GRIA2: variants seen among roughly 807,000 people sequenced by gnomAD.
GRIA2 encodes glutamate receptor 2.
GRIA2 carries 14 observed loss-of-function variants against 97.3 expected under a neutral mutation model. The observed-to-expected ratio is 0.14, with a 90% CI of 0.10 to 0.23. GRIA2 has a LOEUF of 0.23. GRIA2 is among the 10% of genes least tolerant of loss of function. The pLI is 1.00. For synonymous variants in GRIA2, 412 were observed against 387.8 expected (o/e 1.06, Z -0.73); for missense variants, 558 against 1,069.8 (o/e 0.52, Z 6.67).
At chr4:157,225,045 A>C (rs2126677463) in intron 2 of GRIA2, among the ~76,000 whole-genome samples, 1 of 152,218 alleles carries the variant, frequency 6.6e-6, no homozygotes, top group Admixed American at 6.5e-5. Context: ...TAGTTTACTA[A>C]TTTAATTTTA....
At chr4:157,305,248 CT>C (rs765888701) in intron 3 of GRIA2, among the ~76,000 whole-genome samples, 5 of 152,014 alleles carry the variant, frequency 3.3e-5, no homozygotes, top group Non-Finnish European at 5.9e-5. Flanking sequence ...CTCTTTCATC[CT>C]TGCATCCTAT....
intron 2 of GRIA2, among the ~76,000 whole-genome samples, chr4:157,259,629 G>A (rs1210425186): frequency 6.6e-6 from 1 of 152,014 alleles, no homozygotes; most frequent in Non-Finnish European, 1.5e-5. Context: ...TCTGTTTTCT[G>A]TTCTCTTTAC....
At chr4:157,236,760 A>T (rs914097740) in intron 2 of GRIA2, among the ~76,000 whole-genome samples, 1 of 152,010 alleles carries the variant, frequency 6.6e-6, no homozygotes, top group African/African-American at 2.4e-5. Flanking sequence ...GTAAGACGTT[A>T]TTTGTATTTC....
intron 2 of GRIA2, among the ~76,000 whole-genome samples, chr4:157,293,992 A>T (rs1399953592): frequency 2.6e-5 from 4 of 152,164 alleles, no homozygotes; most frequent in Non-Finnish European, 5.9e-5. Flanking sequence ...TATTGAAAAA[A>T]ATGTGTCCTT....
chr4:157,350,884 A>G (rs945846885), intron 12 of GRIA2, among the ~76,000 whole-genome samples: 1 of 149,278 alleles, frequency 6.7e-6, no homozygotes, highest in Non-Finnish European at 1.5e-5. Flanking sequence ...TTGAAGCTAC[A>G]TGCCAGATTT....
intron 2 of GRIA2, among the ~76,000 whole-genome samples, chr4:157,251,321 G>T (rs1488697336): frequency 6.6e-6 from 1 of 151,986 alleles, no homozygotes; most frequent in Non-Finnish European, 1.5e-5. Context: ...TTCTGACAGG[G>T]TGGCTTATTA....
At chr4:157,260,613 C>A (rs973649758) in intron 2 of GRIA2, among the ~76,000 whole-genome samples, 3 of 152,032 alleles carry the variant, frequency 2.0e-5, no homozygotes, top group African/African-American at 7.2e-5. Context: ...ATTTAGTAAC[C>A]TGGCCACATC....
At chr4:157,235,515 A>G (rs1306978042) in intron 2 of GRIA2, among the ~76,000 whole-genome samples, 1 of 152,072 alleles carries the variant, frequency 6.6e-6, no homozygotes, top group Non-Finnish European at 1.5e-5. Flanking sequence ...AAAAGCAGAA[A>G]TGGTAATTCA....
chr4:157,364,233 A>G lies in GRIA2; in HGVS notation c.*802A>G, dbSNP rs916298467. ...CTATTCTTTAACATTTGGTGTTAATATAAAATTACTTGGCAATGCTTGACA... is the reference window on the plus strand; with the variant it reads ...CTATTCTTTAACATTTGGTGTTAATGTAAAATTACTTGGCAATGCTTGACA... On this transcript the variant is annotated 3_prime_UTR_variant, in exon 16 of 16. Transcript: ENST00000264426. The G allele has an allele frequency of 1.3e-5, 2 of 152,482 alleles. No individual in the cohort carries two copies. Among genetic ancestry groups the G allele is most frequent in the Admixed American group, 6.6e-5 (1 of 15,226 alleles). The allele number at this position is 152,482 out of a possible 1,614,324, so 9.4% of individuals were successfully genotyped here. A position where few individuals can be genotyped will look rare whatever the true frequency, so the allele number is the denominator to read the frequency against.
At chr4:157,331,119 T>G (rs960663518) in intron 6 of GRIA2, among the ~76,000 whole-genome samples, 2 of 151,960 alleles carry the variant, frequency 1.3e-5, no homozygotes, top group African/African-American at 4.8e-5. Flanking sequence ...GTTTCTATGA[T>G]TGTGACTTTT....
intron 2 of GRIA2, among the ~76,000 whole-genome samples, chr4:157,251,514 A>C (rs1472363660): frequency 1.3e-5 from 2 of 152,148 alleles, no homozygotes; most frequent in East Asian, 3.9e-4. Context: ...ATTTTCACTG[A>C]GGTGTTATCT....
chr4:157,275,701 G>A (rs1360009449), intron 2 of GRIA2, among the ~76,000 whole-genome samples: 3 of 152,060 alleles, frequency 2.0e-5, no homozygotes, highest in African/African-American at 7.2e-5. Flanking sequence ...TTATTTCTGA[G>A]GGCTTTGTTC....
At chr4:157,317,598 A>G (rs959486299) in intron 4 of GRIA2, 60 bp from the exon 5 acceptor site, 6 of 697,436 alleles carry the variant, frequency 8.6e-6, no homozygotes, top group African/African-American at 3.6e-5. Context: ...TCATAATACC[A>G]TTAATTTTAC....
chr4:157,280,387 A>G (rs1169475072), intron 2 of GRIA2, among the ~76,000 whole-genome samples: 6 of 152,110 alleles, frequency 3.9e-5, no homozygotes, highest in African/African-American at 1.4e-4. Context: ...TGGACTTCTG[A>G]GTGTCTTGGA....
At chr4:157,253,898 G>A (rs1731124406) in intron 2 of GRIA2, among the ~76,000 whole-genome samples, 1 of 152,010 alleles carries the variant, frequency 6.6e-6, no homozygotes, top group Admixed American at 6.6e-5. Flanking sequence ...ATAAACATTA[G>A]AGAAAAAGGT....
intron 2 of GRIA2, among the ~76,000 whole-genome samples, chr4:157,261,276 C>T (rs1258009083): frequency 1.3e-5 from 2 of 152,022 alleles, no homozygotes; most frequent in African/African-American, 4.8e-5. Flanking sequence ...TTTTTTAAAT[C>T]TTTGTATTCA....
intron 2 of GRIA2, among the ~76,000 whole-genome samples, chr4:157,255,536 A>G (rs1479411124): frequency 6.6e-6 from 1 of 151,988 alleles, no homozygotes; most frequent in East Asian, 1.9e-4. Context: ...GTGTATAAGC[A>G]TTCCCTTTTC....
At chr4:157,331,091 C>A (rs17244653) in intron 6 of GRIA2, among the ~76,000 whole-genome samples, 1 of 151,906 alleles carries the variant, frequency 6.6e-6, no homozygotes, top group East Asian at 1.9e-4. Flanking sequence ...TGTTGATATT[C>A]TCTCAACCCA....
intron 2 of GRIA2, among the ~76,000 whole-genome samples, chr4:157,277,856 A>G (rs1440164187): frequency 1.4e-5 from 2 of 143,446 alleles, no homozygotes; most frequent in African/African-American, 2.7e-5. Flanking sequence ...GTATATATGT[A>G]TATATATGTA....
Sources: gnomAD v4.1 joint callset for allele counts (sites outside exome capture counted in the v4.1 genomes callset) on GRCh38, gnomAD v4.1.1 for gene constraint, MANE v1.5 for transcripts, NCBI Gene and HGNC (gene_info 2026-07-23, HGNC 2026-07-21) for gene names.